The following CLXN variants were observed in gnomAD, a reference collection of about 807,000 sequenced individuals.
CLXN encodes the protein calaxin, also known as EF-hand calcium binding domain 1.
chr8:48,714,792 C>A, the CLXN span: 1 of 152,114 alleles, frequency 6.6e-6, no homozygotes, highest in East Asian at 1.9e-4. Context: ...AGACTGTAAC[C>A]CAACAATTCT....
chr8:48,710,922 G>A, the CLXN span: 1 of 152,074 alleles, frequency 6.6e-6, no homozygotes, highest in Admixed American at 6.6e-5. Context: ...CTTCTTTCAC[G>A]ATAGCATCCC....
At chr8:48,729,241 T>A in the CLXN span, 1 of 1,060,316 alleles carries the variant, frequency 9.4e-7, no homozygotes. Flanking sequence ...AAAAATGTGC[T>A]AGGCTGGGGA....
the CLXN span, among the ~76,000 whole-genome samples, chr8:48,727,865 T>C: frequency 6.6e-6 from 1 of 152,092 alleles, no homozygotes; most frequent in Non-Finnish European, 1.5e-5. Flanking sequence ...GAGAAGAGGC[T>C]ATATTCAAGG....
the CLXN span, chr8:48,730,440 A>G: frequency 7.4e-6 from 5 of 675,170 alleles, no homozygotes; most frequent in Non-Finnish European, 1.2e-5. Context: ...CCAGCCAACC[A>G]ACAAACCCAC....
At chr8:48,719,830 T>C in the CLXN span, among the ~76,000 whole-genome samples, 2 of 152,122 alleles carry the variant, frequency 1.3e-5, no homozygotes, top group Non-Finnish European at 2.9e-5. Flanking sequence ...ATAAAGAAAC[T>C]TTCTGTAAAA....
At chr8:48,732,040 T>C in the CLXN span, among the ~76,000 whole-genome samples, 2 of 152,198 alleles carry the variant, frequency 1.3e-5, no homozygotes, top group South Asian at 4.1e-4. Context: ...AATATGGCTC[T>C]TCTTGAGGAT....
At chr8:48,720,062 C>G in the CLXN span, among the ~76,000 whole-genome samples, 1 of 152,172 alleles carries the variant, frequency 6.6e-6, no homozygotes, top group Admixed American at 6.5e-5. Flanking sequence ...ATTTCTTATG[C>G]CTGTCTTTAC....
the CLXN span, among the ~76,000 whole-genome samples, chr8:48,726,093 C>A: frequency 2.7e-5 from 4 of 148,668 alleles, no homozygotes; most frequent in Non-Finnish European, 6.0e-5. Flanking sequence ...ATCCATCCAC[C>A]CATCCATCTA....
the CLXN span, chr8:48,731,471 G>C: frequency 6.2e-7 from 1 of 1,612,552 alleles, no homozygotes; most frequent in Non-Finnish European, 8.5e-7. Flanking sequence ...TCATAAAAAA[G>C]CTTTATAAGA....
At chr8:48,728,318 T>C in the CLXN span, among the ~76,000 whole-genome samples, 1 of 152,204 alleles carries the variant, frequency 6.6e-6, no homozygotes, top group Non-Finnish European at 1.5e-5. Flanking sequence ...CTTTTGTGCA[T>C]ACATCACCCA....
At chr8:48,733,976 C>G in the CLXN span, among the ~76,000 whole-genome samples, 2 of 152,128 alleles carry the variant, frequency 1.3e-5, no homozygotes, top group African/African-American at 2.4e-5. Context: ...AATAACAGAA[C>G]AAAACCCTCA....
chr8:48,724,648 T>A, the CLXN span: 7 of 985,930 alleles, frequency 7.1e-6, no homozygotes, highest in Non-Finnish European at 1.0e-5. Flanking sequence ...AAACACACAA[T>A]TCAACATCAT....
chr8:48,733,531 C>A, the CLXN span, among the ~76,000 whole-genome samples: 1 of 152,132 alleles, frequency 6.6e-6, no homozygotes, highest in Non-Finnish European at 1.5e-5. Flanking sequence ...ATCTTGATAG[C>A]TTTATTGTCT....
chr8:48,729,681 A>C, the CLXN span: 2 of 1,559,372 alleles, frequency 1.3e-6, no homozygotes, highest in South Asian at 1.2e-5. Context: ...TATCTGGCCC[A>C]CAAATTTTAA....
At chr8:48,713,429 A>G in the CLXN span, among the ~76,000 whole-genome samples, 1 of 152,186 alleles carries the variant, frequency 6.6e-6, no homozygotes, top group Non-Finnish European at 1.5e-5. Context: ...GCCCCCTGAG[A>G]TAAGACACAG....
At chr8:48,730,062 C>G in the CLXN span, 1 of 460,228 alleles carries the variant, frequency 2.2e-6, no homozygotes, top group Non-Finnish European at 3.7e-6. Flanking sequence ...TCCTGATTCT[C>G]AATTATGAAA....
the CLXN span, chr8:48,724,844 G>C: frequency 1.3e-6 from 2 of 1,535,048 alleles, no homozygotes; most frequent in Non-Finnish European, 1.8e-6. Context: ...TTCCAAAAAA[G>C]GTAGAACACC....
At chr8:48,720,885 GTC>G in the CLXN span, among the ~76,000 whole-genome samples, 1 of 152,246 alleles carries the variant, frequency 6.6e-6, no homozygotes, top group African/African-American at 2.4e-5. Context: ...TCTTTGTGCT[GTC>G]TCTCTTTATT....
the CLXN span, among the ~76,000 whole-genome samples, chr8:48,733,493 C>T: frequency 3.3e-5 from 5 of 152,156 alleles, no homozygotes; most frequent in Non-Finnish European, 5.9e-5. Context: ...TTTCACTCTT[C>T]TTTGATTCTA....
Sources: allele counts gnomAD v4.1 joint callset (sites outside exome capture counted in the v4.1 genomes callset), GRCh38; gene constraint gnomAD v4.1.1; transcripts MANE v1.5; gene names NCBI Gene and HGNC (gene_info 2026-07-23, HGNC 2026-07-21).